The following CCDC85A variants were observed in gnomAD, a reference collection of about 807,000 sequenced individuals.
The protein encoded by CCDC85A is coiled-coil domain containing 85A.
In CCDC85A, 38 loss-of-function variants were observed where a neutral mutation model predicts 50.2. That is an observed-to-expected ratio of 0.76 (90% CI 0.58 to 0.99). CCDC85A has a LOEUF of 0.99. Ranked by LOEUF, CCDC85A falls within the 50% of genes least tolerant of loss-of-function variation. CCDC85A has a pLI of 0.00. For missense variants in CCDC85A, 820 were observed against 742.0 expected, an observed-to-expected ratio of 1.11 and a Z score of -1.22; for synonymous variants, 366 against 301.4, an observed-to-expected ratio of 1.21 and a Z score of -2.22.
At chr2:56,335,871 A>G (rs933521279) in intron 2 of CCDC85A, among the ~76,000 whole-genome samples, 6 of 151,952 alleles carry the variant, frequency 3.9e-5, no homozygotes, top group Non-Finnish European at 7.4e-5. Context: ...AAGTGCTGGG[A>G]TTACAGGCGT....
intron 3 of CCDC85A, among the ~76,000 whole-genome samples, chr2:56,348,417 T>C (rs890283106): frequency 6.6e-6 from 1 of 152,142 alleles, no homozygotes; most frequent in Non-Finnish European, 1.5e-5. Flanking sequence ...CACCCCTGAG[T>C]GAGCCCCTTC....
intron 2 of CCDC85A, among the ~76,000 whole-genome samples, chr2:56,331,393 A>G (rs1445561025): frequency 6.6e-6 from 1 of 152,208 alleles, no homozygotes; most frequent in East Asian, 1.9e-4. Flanking sequence ...TCCCAGAATT[A>G]AAATAAAATT....
rs769916981 is a variant in CCDC85A, at chr2:56,372,411, G to C, written c.1385G>C (p.Arg462Thr). 5 of 1,607,004 alleles carry C rather than the reference G, an allele frequency of 3.1e-6. No individual in the cohort carries two copies. In the Middle Eastern group the frequency reaches 6.6e-4, roughly 211 times the overall value. The change falls in exon 4 of 6, where the codon AGA becomes ACA. Residue 462 changes from arginine to threonine, a missense_variant. Physicochemically the swap from Arg to Thr is moderately conservative, Grantham distance 71 (BLOSUM62 -1). Coordinates refer to ENST00000407595, the MANE Select transcript of CCDC85A (RefSeq NM_001080433.2). The stretch of plus-strand genomic sequence containing the variant: ...AATATGGAGAAAGGCTGGGGGTCCA[G>C]AGCCCGGCGGGTCTTGCAGTGGTGG... ...SSNMEKGWGS[R>T]ARRVLQWWQG...
intron 2 of CCDC85A, among the ~76,000 whole-genome samples, chr2:56,305,102 CA>C (rs545097233): frequency 0.018 from 1,981 of 113,168 alleles, 20 homozygotes; most frequent in Non-Finnish European, 0.026. Context: ...GACTCTGCCT[CA>C]AAAAAAAAAA....
At chr2:56,381,683 G>A (rs893672550) in intron 5 of CCDC85A, among the ~76,000 whole-genome samples, 1 of 152,070 alleles carries the variant, frequency 6.6e-6, no homozygotes, top group Non-Finnish European at 1.5e-5. Context: ...ATCTTACAGA[G>A]GGGGCCATCT....
intron 1 of CCDC85A, among the ~76,000 whole-genome samples, chr2:56,191,610 G>T (rs944515429): frequency 6.6e-6 from 1 of 152,256 alleles, no homozygotes; most frequent in Non-Finnish European, 1.5e-5. Context: ...AGGAGAAGGA[G>T]ATGCCAGGGA....
chr2:56,371,944 G>A (rs1676096468), intron 3 of CCDC85A, among the ~76,000 whole-genome samples: 1 of 151,928 alleles, frequency 6.6e-6, no homozygotes, highest in Non-Finnish European at 1.5e-5. Context: ...GCTCCCAATT[G>A]TATTTCAAAT....
chr2:56,290,893 G>T (rs150783445), intron 2 of CCDC85A, among the ~76,000 whole-genome samples: 20 of 152,220 alleles, frequency 1.3e-4, no homozygotes, highest in African/African-American at 4.3e-4. Flanking sequence ...ACAAAGTCAG[G>T]TTTCCTTACT....
chr2:56,352,573 T>A (rs371394897), intron 3 of CCDC85A, among the ~76,000 whole-genome samples: 2 of 152,172 alleles, frequency 1.3e-5, no homozygotes, highest in South Asian at 4.1e-4. Flanking sequence ...CTCAAACTCC[T>A]GGCCTCAAGT....
chr2:56,210,896 C>T (rs1315415641), intron 2 of CCDC85A, among the ~76,000 whole-genome samples: 1 of 151,994 alleles, frequency 6.6e-6, no homozygotes, highest in Non-Finnish European at 1.5e-5. Context: ...GATCAAGATG[C>T]AAGCAGAGTG....
intron 3 of CCDC85A, among the ~76,000 whole-genome samples, chr2:56,357,470 A>G (rs1675291240): frequency 6.6e-6 from 1 of 152,204 alleles, no homozygotes; most frequent in South Asian, 2.1e-4. Flanking sequence ...CAGTGTTTTT[A>G]TCACTTTGAT....
intron 3 of CCDC85A, among the ~76,000 whole-genome samples, chr2:56,344,697 A>C (rs1573305605): frequency 6.6e-6 from 1 of 152,202 alleles, no homozygotes; most frequent in South Asian, 2.1e-4. Context: ...TGTTAAATTC[A>C]CAGTATGACT....
At position 56,184,751 on chromosome 2, in the gene CCDC85A, G is replaced by C; in HGVS notation, c.127G>C (p.Glu43Gln). The C allele has an allele frequency of 6.5e-7, 1 of 1,544,462 alleles. No homozygotes were observed. The highest frequency in any genetic ancestry group is 8.7e-7 in the Non-Finnish European group (1 of 1,145,548). The change falls in exon 1 of 6, where the codon GAG (glutamate) becomes CAG (glutamine). Residue 43 changes from glutamate to glutamine, a missense_variant. Physicochemically the swap from Glu to Gln is conservative, Grantham distance 29. Transcript: ENST00000407595. ...VEDLSKVSDE[E>Q]LLQWSKEELI... The stretch of plus-strand genomic sequence containing the variant: ...GGACCTGTCCAAAGTGTCGGACGAG[G>C]AGCTGCTGCAGTGGAGCAAGGAGGA...
chr2:56,216,753 G>A (rs886345877), intron 2 of CCDC85A, among the ~76,000 whole-genome samples: 7 of 130,770 alleles, frequency 5.4e-5, no homozygotes, highest in Non-Finnish European at 3.3e-5. Context: ...TTTTTTTTGA[G>A]ACTTATTTCT....
At chr2:56,204,711 G>A (rs1676890246) in intron 2 of CCDC85A, among the ~76,000 whole-genome samples, 1 of 152,124 alleles carries the variant, frequency 6.6e-6, no homozygotes, top group Admixed American at 6.5e-5. Context: ...ATGTTTGTTC[G>A]GACAGGAATT....
At chr2:56,373,922 A>G (rs1392892961) in intron 4 of CCDC85A, among the ~76,000 whole-genome samples, 5 of 152,206 alleles carry the variant, frequency 3.3e-5, no homozygotes, top group African/African-American at 1.2e-4. Context: ...AAGGATCCAA[A>G]GTATAGAGGA....
intron 3 of CCDC85A, among the ~76,000 whole-genome samples, chr2:56,367,530 C>T (rs1490939563): frequency 6.6e-6 from 1 of 152,128 alleles, no homozygotes; most frequent in African/African-American, 2.4e-5. Context: ...GCTATAGCGA[C>T]ATTTTGGGCT....
chr2:56,210,911 C>G (rs1677157757), intron 2 of CCDC85A, among the ~76,000 whole-genome samples: 1 of 152,048 alleles, frequency 6.6e-6, no homozygotes, highest in Non-Finnish European at 1.5e-5. Context: ...AGAGTGGTCA[C>G]AGAAACCTCT....
intron 2 of CCDC85A, among the ~76,000 whole-genome samples, chr2:56,272,198 T>C (rs563870108): frequency 6.6e-6 from 1 of 152,212 alleles, no homozygotes; most frequent in East Asian, 1.9e-4. Flanking sequence ...GAATATGGGA[T>C]AGGTGGTGTC....
Sources: allele counts gnomAD v4.1 joint callset (sites outside exome capture counted in the v4.1 genomes callset), GRCh38; gene constraint gnomAD v4.1.1; transcripts MANE v1.5; gene names NCBI Gene and HGNC (gene_info 2026-07-23, HGNC 2026-07-21).